The following MASTL variants were observed in gnomAD, a reference collection of about 807,000 sequenced individuals.
MASTL encodes the protein microtubule associated serine/threonine kinase like.
A neutral mutation model predicts 82.5 loss-of-function variants in MASTL; 54 were observed. That is an observed-to-expected ratio of 0.65 (90% CI 0.53 to 0.82). MASTL has a LOEUF of 0.82. Among genes scored for constraint, MASTL ranks in the 40% least tolerant of loss-of-function variants. The pLI is 0.00. For synonymous variants in MASTL, 323 were observed against 368.9 expected, an observed-to-expected ratio of 0.88 and a Z score of 1.43; for missense variants, 950 against 1,047.8, an observed-to-expected ratio of 0.91 and a Z score of 1.29.
At position 27,181,462 on chromosome 10, in the gene MASTL, G is replaced by C. The variant is rs1407099997; in HGVS notation, c.2381-18G>C. 6.6e-7 allele frequency: 1 copy of C among 1,512,996 alleles called. No individual in the cohort carries two copies. Among genetic ancestry groups the C allele is most frequent in the Non-Finnish European group, 9.2e-7 (1 of 1,088,972 alleles). 93.7% of individuals were successfully genotyped at this position (1,512,996 alleles called of 1,614,324 possible). A position where few individuals can be genotyped will look rare whatever the true frequency, so the allele number is the denominator to read the frequency against. On this transcript the variant is annotated intron_variant, in intron 10 of 11. Transcript: ENST00000375940. ...TGAGCAGTAATAAACAAGTTTATTTGTATATGTATAATTTTAGATATCCCT... is the reference window on the plus strand; with the variant it reads ...TGAGCAGTAATAAACAAGTTTATTTCTATATGTATAATTTTAGATATCCCT...
Position 27,155,457 on chromosome 10 carries a change from C to A in MASTL, c.31C>A (p.Pro11Thr). The part of the protein sequence containing the change: MDPTAGSKKE[P>T]GGGAATEEGV... ...TCCCACCGCGGGAAGCAAGAAGGAG[C>A]CTGGAGGAGGCGCGGCGACTGAGGA... The change falls in exon 1 of 12, where the codon CCT becomes ACT. Residue 11 changes from proline to threonine, a missense_variant. Pro to Thr is a conservative substitution (Grantham distance 38). Transcript: ENST00000375940. 6.2e-7 allele frequency: 1 copy of A among 1,612,990 alleles called. No individual in the cohort carries two copies.
At position 27,170,949 on chromosome 10, in the gene MASTL, G is replaced by A. The variant is rs1564495013; in HGVS notation, c.1990G>A (p.Ala664Thr). The A allele has an allele frequency of 1.9e-6, 3 of 1,613,994 alleles. No homozygotes were observed. In the East Asian group the frequency reaches 6.7e-5, roughly 36 times the overall value. ...AFRSFNSHIN[A>T]SNNSEPSRMN... is the part of the protein sequence containing the mutation. ...TCGAAGTTTTAACAGTCATATTAAT[G>A]CATCCAATAACTCAGAACCATCCAG... is the stretch of plus-strand genomic sequence containing the variant. The change falls in exon 8 of 12, where the codon GCA becomes ACA. Residue 664 changes from alanine (A) to threonine (T), a missense_variant. Physicochemically the swap from Ala to Thr is moderately conservative, Grantham distance 58. Transcript: ENST00000375940.
chr10:27,179,722 T>C (rs2058212637), intron 9 of MASTL, among the ~76,000 whole-genome samples: 1 of 152,234 alleles, frequency 6.6e-6, no homozygotes, highest in Non-Finnish European at 1.5e-5. Context: ...TCCCTCTCTG[T>C]TCCTAAAAGG....
intron 4 of MASTL, among the ~76,000 whole-genome samples, chr10:27,164,672 C>T (rs1453302400): frequency 6.6e-6 from 1 of 152,020 alleles, no homozygotes; most frequent in Non-Finnish European, 1.5e-5. Flanking sequence ...GAGTTTTGCT[C>T]TGTCGCCCTG....
At chr10:27,182,504 T>C (rs1005399098) in intron 11 of MASTL, among the ~76,000 whole-genome samples, 1 of 151,978 alleles carries the variant, frequency 6.6e-6, no homozygotes, top group Non-Finnish European at 1.5e-5. Flanking sequence ...CCAAGCACTT[T>C]GGGAGGCTGC....
chr10:27,183,927 G>A (rs1055325386), intron 11 of MASTL, among the ~76,000 whole-genome samples: 1 of 152,072 alleles, frequency 6.6e-6, no homozygotes, highest in Admixed American at 6.6e-5. Flanking sequence ...GCCCAGGCTG[G>A]TCTCGAACTC....
At chr10:27,185,154 G>T (rs1443169026) in intron 11 of MASTL, among the ~76,000 whole-genome samples, 1 of 152,164 alleles carries the variant, frequency 6.6e-6, no homozygotes, top group Non-Finnish European at 1.5e-5. Flanking sequence ...GGAGAAGGGG[G>T]TGAGCTTCAT....
chr10:27,173,030 A>T, intron 8 of MASTL, 88 bp from the exon 9 acceptor site: 1 of 1,489,012 alleles, frequency 6.7e-7, no homozygotes, highest in Non-Finnish European at 9.3e-7. Context: ...CCTATGAGCT[A>T]GTTATTTGGC....
rs768524903 is a variant in MASTL, at chr10:27,170,638, G to A, written c.1679G>A (p.Arg560Lys). The change falls in exon 8 of 12, where the codon AGA becomes AAA. Residue 560 changes from arginine to lysine, a missense_variant. Transcript: ENST00000375940. ...SSSFLCSDDD[R>K]ASKNISMNSD... ...AGTTTTCTATGTTCTGATGATGATA[G>A]AGCTTCTAAAAATATTTCTATGAAC... The A allele has an allele frequency of 6.2e-7, 1 of 1,607,722 alleles. No individual in the cohort carries two copies. The highest frequency in any genetic ancestry group is 8.5e-7 in the Non-Finnish European group (1 of 1,178,146).
intron 9 of MASTL, among the ~76,000 whole-genome samples, chr10:27,178,128 A>G (rs2058159650): frequency 6.6e-6 from 1 of 152,220 alleles, no homozygotes; most frequent in African/African-American, 2.4e-5. Context: ...ACTGTGGCTC[A>G]CGCCTGTAAT....
intron 4 of MASTL, among the ~76,000 whole-genome samples, chr10:27,161,450 A>G (rs2057569062): frequency 6.6e-6 from 1 of 152,116 alleles, no homozygotes; most frequent in Non-Finnish European, 1.5e-5. Context: ...TGGAGGTTGC[A>G]GTGAGCTGAG....
chr10:27,166,694 C>T (rs1296965980), intron 6 of MASTL, among the ~76,000 whole-genome samples: 3 of 152,022 alleles, frequency 2.0e-5, no homozygotes, highest in Non-Finnish European at 4.4e-5. Context: ...CCCAGGAGGT[C>T]AAGGCTGCAG....
rs1382434624 is a variant in MASTL at position 27,187,157 on chromosome 10, G to A, written c.*621G>A. Among the ~76,000 whole-genome samples, 1 of 152,004 alleles carries A rather than the reference G, an allele frequency of 6.6e-6. No homozygotes were observed. Among genetic ancestry groups the A allele is most frequent in the South Asian group, 2.1e-4 (1 of 4,820 alleles). ...TCTACTGTAAATACACAAATTAGCC[G>A]GGCATGTTGGTGGGCGCCTGTAGTC... On this transcript the variant is annotated 3_prime_UTR_variant, in exon 12 of 12. Transcript: ENST00000375940.
In MASTL at chr10:27,170,481, A is replaced by G. The variant is rs978097749; in HGVS notation, c.1522A>G (p.Asn508Asp). 1 of 1,614,094 alleles carries G rather than the reference A, an allele frequency of 6.2e-7. No homozygotes were observed. Among genetic ancestry groups the G allele is most frequent in the Non-Finnish European group, 8.5e-7 (1 of 1,180,006 alleles). Residue 508 changes from asparagine to aspartate, a missense_variant, in exon 8 of 12, where the codon AAC becomes GAC. By Grantham distance (23) the Asn-to-Asp change is conservative. Coordinates refer to ENST00000375940, the MANE Select transcript of MASTL (RefSeq NM_001172303.3). ...SQQNDCANKE[N>D]IVNSFTDKQQ... ...ACAAAATGACTGTGCTAATAAGGAG[A>G]ACATTGTCAATTCTTTTACTGATAA... is the stretch of plus-strand genomic sequence containing the variant.
rs765832070 is a variant in MASTL, at chr10:27,170,925, C to T, written c.1966C>T (p.Arg656Ter). 10 of 1,614,064 alleles carry T rather than the reference C, an allele frequency of 6.2e-6. No homozygotes were observed. Among genetic ancestry groups the T allele is most frequent in the African/African-American group, 2.7e-5 (2 of 75,020 alleles). The change falls in exon 8 of 12, where the codon CGA becomes TGA. Residue 656 changes from arginine to a stop codon, truncating the protein, a stop_gained. Transcript: ENST00000375940. LOFTEE classifies it high-confidence loss of function. ...LASKRNAVAF[R>*]SFNSHINASN... is the part of the protein sequence containing the mutation. ...CTCTAAAAGAAATGCTGTTGCTTTT[C>T]GAAGTTTTAACAGTCATATTAATGC... is the stretch of plus-strand genomic sequence containing the variant.
At chr10:27,166,084 G>A (rs2057733519) in intron 6 of MASTL, among the ~76,000 whole-genome samples, 1 of 151,976 alleles carries the variant, frequency 6.6e-6, no homozygotes. Context: ...GTGGGCACCT[G>A]TAATCCCAGC....
upstream of MASTL, chr10:27,155,283 G>A: frequency 6.5e-6 from 5 of 765,040 alleles, no homozygotes; most frequent in South Asian, 7.1e-5. Context: ...GTCTGCGTAG[G>A]GGAGGTGACG....
chr10:27,171,769 CA>C (rs1371525654), intron 8 of MASTL, among the ~76,000 whole-genome samples: 1 of 150,244 alleles, frequency 6.7e-6, no homozygotes, highest in Non-Finnish European at 1.5e-5. Flanking sequence ...TACTGCCTTC[CA>C]AGGACATATT....
intron 6 of MASTL, among the ~76,000 whole-genome samples, chr10:27,166,868 T>A (rs1272375629): frequency 8.5e-5 from 13 of 152,172 alleles, no homozygotes; most frequent in Non-Finnish European, 1.8e-4. Flanking sequence ...TGTCTAAACA[T>A]AGTGGGATAT....
Sources: gnomAD v4.1 joint callset for allele counts (sites outside exome capture counted in the v4.1 genomes callset) on GRCh38, gnomAD v4.1.1 for gene constraint, MANE v1.5 for transcripts, NCBI Gene and HGNC (gene_info 2026-07-23, HGNC 2026-07-21) for gene names.